The following ASCC1 variants were observed in gnomAD, a reference collection of about 807,000 sequenced individuals.
The protein encoded by ASCC1 is activating signal cointegrator 1 complex subunit 1.
Under a neutral mutation model 46.6 loss-of-function variants are expected in ASCC1, and 35 were observed. The observed-to-expected ratio is 0.75, with a 90% CI of 0.57 to 0.99. ASCC1 has a LOEUF of 0.99. Ranked by LOEUF, ASCC1 falls within the 50% of genes least tolerant of loss-of-function variation. The pLI is 0.00. For synonymous variants in ASCC1, 143 were observed against 146.6 expected, an observed-to-expected ratio of 0.98 and a Z score of 0.18; for missense variants, 376 against 428.7, an observed-to-expected ratio of 0.88 and a Z score of 1.09.
At position 72,179,713 on chromosome 10, in the gene ASCC1, T is replaced by C. The variant is rs189674838; in HGVS notation, c.489+17098A>G. ...GACTGAAGATTAAACAAAATGAACA[T>C]AGGAGACATTTAGAACACTGTCTAG... On this transcript the variant is annotated intron_variant, in intron 5 of 9. Transcript: ENST00000672957. Among the ~76,000 whole-genome samples, 480 of 152,280 alleles carry C rather than the reference T, an allele frequency of 3.2e-3. 1 individual carries two copies. Among genetic ancestry groups the C allele is most frequent in the Non-Finnish European group, 5.7e-3 (387 of 68,016 alleles).
chr10:72,117,575 T>C (rs1469592876), intron 9 of ASCC1, among the ~76,000 whole-genome samples: 4 of 152,232 alleles, frequency 2.6e-5, no homozygotes, highest in Non-Finnish European at 5.9e-5. Flanking sequence ...TAAATATGCA[T>C]ATATGTGAGT....
chr10:72,216,001 C>A (rs536928356), intron 1 of ASCC1: 2 of 152,464 alleles, frequency 1.3e-5, no homozygotes, highest in East Asian at 1.9e-4. Flanking sequence ...CACCACGGCA[C>A]GGGCGCGCGC....
intron 5 of ASCC1, among the ~76,000 whole-genome samples, chr10:72,183,890 T>C (rs991204046): frequency 1.3e-5 from 2 of 152,116 alleles, no homozygotes; most frequent in Non-Finnish European, 2.9e-5. Flanking sequence ...ATGCCTGTAA[T>C]CCCAGCACTT....
chr10:72,122,152 G>A (rs570237331), intron 9 of ASCC1, among the ~76,000 whole-genome samples: 82 of 152,210 alleles, frequency 5.4e-4, no homozygotes, highest in Non-Finnish European at 7.9e-4. Context: ...CAGGCGCAGC[G>A]GCTCACGCCT....
intron 2 of ASCC1, among the ~76,000 whole-genome samples, chr10:72,211,769 G>A (rs151140328): frequency 0.063 from 9,529 of 151,184 alleles, 1,007 homozygotes; most frequent in African/African-American, 0.22. Flanking sequence ...CTTGCAGTGA[G>A]CCGAGATCGC....
At chr10:72,105,997 G>A (rs755058081) in intron 9 of ASCC1, among the ~76,000 whole-genome samples, 8 of 152,198 alleles carry the variant, frequency 5.3e-5, no homozygotes, top group South Asian at 2.1e-4. Flanking sequence ...TGGCCAGTCC[G>A]CAACAGCACA....
chr10:72,213,328 T>A lies in ASCC1; in HGVS notation c.-30A>T. ...CTTTCTCCAAATGATATTCCAATTA[T>A]GCCCTGAAAAATATAATTACCATCT... is the stretch of plus-strand genomic sequence containing the variant. On this transcript the variant is annotated 5_prime_UTR_variant, in exon 2 of 10. Transcript: ENST00000672957. The A allele has an allele frequency of 6.7e-7, 1 of 1,486,126 alleles. No homozygotes were observed. Among genetic ancestry groups the A allele is most frequent in the Non-Finnish European group, 9.4e-7 (1 of 1,064,804 alleles). 92.1% of individuals were successfully genotyped at this position (1,486,126 alleles called of 1,614,324 possible). A position where few individuals can be genotyped will look rare whatever the true frequency, so the allele number is the denominator to read the frequency against.
At chr10:72,113,634 CTAAA>C (rs1281314101) in intron 9 of ASCC1, among the ~76,000 whole-genome samples, 5 of 152,308 alleles carry the variant, frequency 3.3e-5, no homozygotes, top group African/African-American at 9.6e-5. Context: ...CCCTCACCCC[CTAAA>C]TAGACTGAAA....
At chr10:72,150,798 C>A (rs530486004) in intron 7 of ASCC1, among the ~76,000 whole-genome samples, 39 of 152,296 alleles carry the variant, frequency 2.6e-4, no homozygotes, top group Admixed American at 1.4e-3. Flanking sequence ...AGGATATGAA[C>A]ACTTTTCAAA....
intron 5 of ASCC1, among the ~76,000 whole-genome samples, chr10:72,172,807 A>G (rs1851331537): frequency 7.5e-6 from 1 of 132,570 alleles, no homozygotes; most frequent in African/African-American, 2.8e-5. Context: ...TTATATTTTT[A>G]TATTATATAT....
At chr10:72,204,676 G>A (rs573027196) in intron 3 of ASCC1, among the ~76,000 whole-genome samples, 9 of 152,150 alleles carry the variant, frequency 5.9e-5, no homozygotes, top group Admixed American at 2.0e-4. Context: ...TAGTTTTTGC[G>A]TGGGATAAGA....
chr10:72,127,182 T>C (rs1844964644), intron 9 of ASCC1, among the ~76,000 whole-genome samples: 1 of 152,160 alleles, frequency 6.6e-6, no homozygotes, highest in Non-Finnish European at 1.5e-5. Context: ...AAAACACCCA[T>C]AGCCTTGAAA....
intron 5 of ASCC1, chr10:72,190,458 C>T (rs1023791929): frequency 1.3e-6 from 2 of 1,598,554 alleles, no homozygotes; most frequent in Non-Finnish European, 8.5e-7. Context: ...GGGCTGACAT[C>T]TGCAGGCCGA....
intron 9 of ASCC1, among the ~76,000 whole-genome samples, chr10:72,122,777 T>C (rs1844364627): frequency 6.6e-6 from 1 of 151,708 alleles, no homozygotes; most frequent in Admixed American, 6.6e-5. Context: ...TGAGGCCCTA[T>C]ACCTAAAGAA....
chr10:72,128,507 T>G (rs958634012), intron 8 of ASCC1, among the ~76,000 whole-genome samples: 55 of 152,348 alleles, frequency 3.6e-4, no homozygotes, highest in African/African-American at 1.3e-3. Flanking sequence ...GAGGCAGGAC[T>G]AAGTGATCTT....
chr10:72,097,391 C>T lies in ASCC1; in HGVS notation c.1017G>A (p.Arg339=), dbSNP rs1300718230. 1 of 1,614,022 alleles carries T rather than the reference C, an allele frequency of 6.2e-7. No individual in the cohort carries two copies. Among genetic ancestry groups the T allele is most frequent in the East Asian group, 2.2e-5 (1 of 44,874 alleles). ...AGTTTCCAAAGCTGTCTACGGTGAA[C>T]CTCTGAGAGATGTGAATTGAATTCA... ...LKLNSIHISQ[R]FTVDSFGNYA... is the part of the protein sequence containing the mutation. The change falls in exon 10 of 10, where the codon AGG becomes AGA. Residue 339 remains arginine, a synonymous_variant. Coordinates refer to ENST00000672957, the MANE Select transcript of ASCC1 (RefSeq NM_001198800.3).
intron 7 of ASCC1, among the ~76,000 whole-genome samples, chr10:72,148,787 T>A (rs1258769549): frequency 6.6e-6 from 1 of 152,148 alleles, no homozygotes; most frequent in Admixed American, 6.5e-5. Context: ...AACAGACCAA[T>A]GGATTTTAAT....
In ASCC1 at chr10:72,136,919, C is replaced by T. The variant is rs192773499; in HGVS notation, c.747-3738G>A. ...CGAACCCACCGGCAGGAAGAAACTC[C>T]GGACACATCTGAACATCTGAAGGAA... is the stretch of plus-strand genomic sequence containing the variant. On this transcript the variant is annotated intron_variant, in intron 7 of 9. Transcript: ENST00000672957. Among the ~76,000 whole-genome samples the T allele has an allele frequency of 5.0e-4, 76 of 151,852 alleles. 1 individual carries two copies. The highest frequency in any genetic ancestry group is 2.5e-3 in the South Asian group (12 of 4,802).
At chr10:72,202,184 T>C (rs1371351636) in intron 4 of ASCC1, among the ~76,000 whole-genome samples, 1 of 152,038 alleles carries the variant, frequency 6.6e-6, no homozygotes, top group Non-Finnish European at 1.5e-5. Context: ...AAAAGTTCCA[T>C]CGGCCAGACA....
Sources: allele counts gnomAD v4.1 joint callset (sites outside exome capture counted in the v4.1 genomes callset), GRCh38; gene constraint gnomAD v4.1.1; transcripts MANE v1.5; gene names NCBI Gene and HGNC (gene_info 2026-07-23, HGNC 2026-07-21).